AP4E1: variants seen among roughly 807,000 people sequenced by gnomAD.
The protein encoded by AP4E1 is AP-4 complex subunit epsilon-1.
In AP4E1, 56 loss-of-function variants were observed where a neutral mutation model predicts 128.2. The ratio of observed to expected loss-of-function variants is 0.44; its 90% CI spans 0.35 to 0.55. AP4E1 has a LOEUF of 0.55. AP4E1 is among the 20% of genes least tolerant of loss of function. AP4E1 has a pLI of 0.00. For synonymous variants in AP4E1, 484 were observed against 473.1 expected (o/e 1.02, Z -0.30); for missense variants, 1,324 against 1,307.7 (o/e 1.01, Z -0.19).
chr15:50,999,904 T>C lies in AP4E1; in HGVS notation c.3095+642T>C, dbSNP rs115246858. Among the ~76,000 whole-genome samples, 878 of 140,336 alleles carry C rather than the reference T, an allele frequency of 6.3e-3. 8 individuals are homozygous for C. The highest frequency in any genetic ancestry group is 0.022 in the African/African-American group (822 of 37,630). 92.1% of individuals were successfully genotyped at this position (140,336 alleles called of 152,430 possible). A position where few individuals can be genotyped will look rare whatever the true frequency, so the allele number is the denominator to read the frequency against. On this transcript the variant is annotated intron_variant, in intron 19 of 20. Transcript: ENST00000261842. ...AGTGTGATGTGTTATTAAACTATTA[T>C]TAAACATGCAGTTTTTACCATTATA...
intron 17 of AP4E1, among the ~76,000 whole-genome samples, chr15:50,996,860 T>A (rs2064881546): frequency 1.3e-5 from 2 of 152,226 alleles, no homozygotes; most frequent in Admixed American, 1.3e-4. Flanking sequence ...AGTTTTTCTT[T>A]CTGCTTACTA....
At chr15:50,942,900 T>C (rs542107195) in intron 10 of AP4E1, among the ~76,000 whole-genome samples, 1 of 152,184 alleles carries the variant, frequency 6.6e-6, no homozygotes, top group Non-Finnish European at 1.5e-5. Context: ...ATTTTTTAAA[T>C]AATTTTAGAT....
chr15:50,941,368 A>G (rs1339789288), intron 8 of AP4E1, 74 bp from the exon 9 acceptor site: 1 of 1,525,336 alleles, frequency 6.6e-7, no homozygotes, highest in Non-Finnish European at 9.0e-7. Flanking sequence ...TAGTTTTATT[A>G]CAAGTTCTAC....
At chr15:50,925,523 A>G (rs531953683) in intron 5 of AP4E1, among the ~76,000 whole-genome samples, 1 of 152,228 alleles carries the variant, frequency 6.6e-6, no homozygotes, top group African/African-American at 2.4e-5. Flanking sequence ...GGTTGGTTGA[A>G]GCTCCTTAGT....
intron 11 of AP4E1, 65 bp downstream of exon 11, chr15:50,948,224 G>T: frequency 1.9e-6 from 3 of 1,579,550 alleles, no homozygotes; most frequent in Non-Finnish European, 1.7e-6. Flanking sequence ...AAGATGATTG[G>T]TATAGATATG....
chr15:50,991,838 C>CT (rs1045466095), intron 16 of AP4E1, among the ~76,000 whole-genome samples: 2 of 151,896 alleles, frequency 1.3e-5, no homozygotes, highest in African/African-American at 4.8e-5. Flanking sequence ...AGAAATATTT[C>CT]TGAGTCTTCC....
intron 13 of AP4E1, among the ~76,000 whole-genome samples, chr15:50,957,229 A>G (rs2064236300): frequency 6.6e-6 from 1 of 152,156 alleles, no homozygotes; most frequent in South Asian, 2.1e-4. Flanking sequence ...TGCCAGTGAA[A>G]GTGGCTCTCG....
Position 50,949,838 on chromosome 15 carries a change from T to C in AP4E1, c.1329T>C (p.Asp443=). The C allele has an allele frequency of 6.2e-7, 1 of 1,612,570 alleles. No homozygotes were observed. Among genetic ancestry groups the C allele is most frequent in the Non-Finnish European group, 8.5e-7 (1 of 1,178,746 alleles). The change falls in exon 12 of 21, where the codon GAT becomes GAC. Residue 443 remains aspartate, a synonymous_variant. Transcript: ENST00000261842. ...IAELAEKYAP[D]NAWFIQTMNA... ...ACACTGTGGACACATATGCTCCTGATAATGCATGGTTTATTCAGACAATGA... is the reference window on the plus strand; with the variant it reads ...ACACTGTGGACACATATGCTCCTGACAATGCATGGTTTATTCAGACAATGA...
intron 16 of AP4E1, among the ~76,000 whole-genome samples, chr15:50,985,991 C>A (rs2064717625): frequency 2.6e-5 from 4 of 152,152 alleles, no homozygotes; most frequent in Admixed American, 2.6e-4. Flanking sequence ...TTTCTTTGAG[C>A]AGTGGTTTGT....
chr15:50,971,669 G>A (rs1478270080), intron 15 of AP4E1, among the ~76,000 whole-genome samples: 2 of 150,954 alleles, frequency 1.3e-5, no homozygotes, highest in African/African-American at 4.9e-5. Context: ...GTCTTCCTGT[G>A]TTATTTCAAA....
chr15:51,001,724 T>C (rs2064965607), intron 20 of AP4E1, among the ~76,000 whole-genome samples: 1 of 152,250 alleles, frequency 6.6e-6, no homozygotes, highest in African/African-American at 2.4e-5. Context: ...TCCATTCATC[T>C]GTAAATGGAT....
intron 15 of AP4E1, 66 bp from the exon 16 acceptor site, chr15:50,983,956 T>C: frequency 6.5e-7 from 1 of 1,535,076 alleles, no homozygotes; most frequent in Non-Finnish European, 9.0e-7. Context: ...TGGTAGTGAA[T>C]GGTAACTTTG....
At chr15:50,999,339 A>G in intron 19 of AP4E1, 77 bp downstream of exon 19, 1 of 1,289,206 alleles carries the variant, frequency 7.8e-7, no homozygotes, top group Non-Finnish European at 1.1e-6. Flanking sequence ...GGATGGAGGC[A>G]CTATGTTGGG....
chr15:50,977,710 T>G (rs1338610557), intron 15 of AP4E1, among the ~76,000 whole-genome samples: 4 of 130,360 alleles, frequency 3.1e-5, no homozygotes, highest in African/African-American at 1.0e-4. Context: ...GTTATGGTTT[T>G]TTTTTTTTTT....
chr15:50,914,013 T>C (rs2063598183), intron 2 of AP4E1, among the ~76,000 whole-genome samples: 1 of 152,048 alleles, frequency 6.6e-6, no homozygotes, highest in Non-Finnish European at 1.5e-5. Flanking sequence ...AGAGATGGGG[T>C]TTCACCATGT....
chr15:50,974,450 GA>G, intron 15 of AP4E1, among the ~76,000 whole-genome samples: 1 of 151,500 alleles, frequency 6.6e-6, no homozygotes, highest in Admixed American at 6.6e-5. Context: ...ATTTTTTGTA[GA>G]GACAGAGTCT....
chr15:50,971,265 A>G lies in AP4E1; in HGVS notation c.1966+2888A>G, dbSNP rs906815982. On this transcript the variant is annotated intron_variant, in intron 15 of 20. Coordinates refer to ENST00000261842, the MANE Select transcript of AP4E1 (RefSeq NM_007347.5). ...TTTTTTCTTTTAGTACTTTGAATAT[A>G]TCATCCCATTTTCTCCTGGCCTCTA... is the stretch of plus-strand genomic sequence containing the variant. Among the ~76,000 whole-genome samples the G allele has an allele frequency of 2.6e-5, 4 of 152,274 alleles. No homozygotes were observed. The East Asian group carries it at 7.7e-4, about 29-fold the overall frequency.
chr15:50,929,208 T>G (rs1421341712), intron 6 of AP4E1, 40 bp downstream of exon 6: 1 of 1,580,824 alleles, frequency 6.3e-7, no homozygotes, highest in African/African-American at 1.3e-5. Context: ...TAGTTACCAT[T>G]AGAAAAATAC....
chr15:50,953,070 A>T (rs1169227535), intron 13 of AP4E1, among the ~76,000 whole-genome samples: 2 of 152,186 alleles, frequency 1.3e-5, no homozygotes, highest in African/African-American at 4.8e-5. Flanking sequence ...GAGAAAAAAA[A>T]GATGGTGACC....
Sources: allele counts gnomAD v4.1 joint callset (sites outside exome capture counted in the v4.1 genomes callset), GRCh38; gene constraint gnomAD v4.1.1; transcripts MANE v1.5; gene names NCBI Gene and HGNC (gene_info 2026-07-23, HGNC 2026-07-21).